GNA14: variants seen among roughly 807,000 people sequenced by gnomAD.
GNA14 encodes G protein subunit alpha 14.
In GNA14, 50 loss-of-function variants were observed where a neutral mutation model predicts 42.0. The ratio of observed to expected loss-of-function variants is 1.19; its 90% confidence interval spans 0.95 to 1.51. GNA14 has a LOEUF of 1.51. Among genes scored for constraint, GNA14 ranks in the 40% most tolerant of loss-of-function variants. The probability of loss-of-function intolerance (pLI) is 0.00; values close to 1 mark genes in which losing one functional copy is unlikely to be tolerated. For synonymous variants in GNA14, 173 were observed against 163.1 expected (o/e 1.06, Z -0.46); for missense variants, 473 against 446.2 (o/e 1.06, Z -0.54).
chr9:77,458,491 G>A (rs1388258131), intron 2 of GNA14, among the ~76,000 whole-genome samples: 1 of 152,112 alleles, frequency 6.6e-6, no homozygotes, highest in Non-Finnish European at 1.5e-5. Flanking sequence ...CGAAAGTTCC[G>A]GATTTAGTTA....
chr9:77,546,769 C>A (rs1344295473), intron 1 of GNA14, among the ~76,000 whole-genome samples: 1 of 152,176 alleles, frequency 6.6e-6, no homozygotes, highest in Non-Finnish European at 1.5e-5. Context: ...GACGAGTAAT[C>A]ACCTCCAGCC....
intron 2 of GNA14, among the ~76,000 whole-genome samples, chr9:77,500,833 T>C (rs1411022148): frequency 2.0e-5 from 3 of 152,258 alleles, no homozygotes; most frequent in African/African-American, 7.2e-5. Flanking sequence ...ACTCAAGGTG[T>C]TCCCAGTTTT....
chr9:77,557,711 A>G (rs1822811385), intron 1 of GNA14, among the ~76,000 whole-genome samples: 1 of 152,226 alleles, frequency 6.6e-6, no homozygotes. Context: ...TGATTACTTC[A>G]TGGGAGCAAA....
At chr9:77,554,998 T>G (rs1822749290) in intron 1 of GNA14, among the ~76,000 whole-genome samples, 1 of 152,096 alleles carries the variant, frequency 6.6e-6, no homozygotes, top group South Asian at 2.1e-4. Flanking sequence ...GAACAATAAG[T>G]TAGTGCAGAT....
chr9:77,607,509 C>T (rs981121298), intron 1 of GNA14, among the ~76,000 whole-genome samples: 10 of 152,170 alleles, frequency 6.6e-5, no homozygotes, highest in Admixed American at 5.9e-4. Context: ...TAACCTTCAT[C>T]TGCATCTCAC....
intron 1 of GNA14, among the ~76,000 whole-genome samples, chr9:77,539,068 G>A (rs774333410): frequency 2.0e-5 from 3 of 152,116 alleles, no homozygotes; most frequent in Non-Finnish European, 2.9e-5. Context: ...GGTGAAAGTG[G>A]GCATCCTTGT....
At chr9:77,426,949 T>G (rs1303461671) in intron 5 of GNA14, among the ~76,000 whole-genome samples, 1 of 152,168 alleles carries the variant, frequency 6.6e-6, no homozygotes, top group Non-Finnish European at 1.5e-5. Context: ...ACACCCAGGT[T>G]TGTTCTGCCA....
At chr9:77,434,250 G>A (rs1835605514) in intron 3 of GNA14, 118 bp downstream of exon 3, 10 of 910,302 alleles carry the variant, frequency 1.1e-5, no homozygotes, top group Non-Finnish European at 1.7e-5. Flanking sequence ...GAAAGCAAAG[G>A]CAAGTAGCGC....
chr9:77,588,543 C>T (rs148894974), intron 1 of GNA14, among the ~76,000 whole-genome samples: 254 of 151,990 alleles, frequency 1.7e-3, no homozygotes, highest in African/African-American at 5.7e-3. Context: ...GAATGAGTCA[C>T]GGGGTGAGAA....
At chr9:77,564,826 C>T (rs1023529989) in intron 1 of GNA14, among the ~76,000 whole-genome samples, 2 of 110,206 alleles carry the variant, frequency 1.8e-5, no homozygotes, top group Non-Finnish European at 3.8e-5. Context: ...AAGCAAGAAT[C>T]TGTCTATTAA....
chr9:77,536,606 C>T (rs1175468113), intron 1 of GNA14, among the ~76,000 whole-genome samples: 4 of 152,216 alleles, frequency 2.6e-5, no homozygotes, highest in Admixed American at 2.6e-4. Context: ...CCACCTTGAC[C>T]TCCCAAAGTG....
chr9:77,626,623 T>G (rs1342051387), intron 1 of GNA14, among the ~76,000 whole-genome samples: 4 of 152,154 alleles, frequency 2.6e-5, no homozygotes, highest in African/African-American at 9.7e-5. Context: ...CTGAACAACC[T>G]GCTCCTGAAT....
At chr9:77,442,513 G>C (rs563563561) in intron 2 of GNA14, among the ~76,000 whole-genome samples, 9 of 152,374 alleles carry the variant, frequency 5.9e-5, no homozygotes, top group African/African-American at 2.2e-4. Flanking sequence ...GGAAGGGACA[G>C]TTGATGGTTA....
chr9:77,445,686 G>A (rs906410467), intron 2 of GNA14, among the ~76,000 whole-genome samples: 3 of 152,044 alleles, frequency 2.0e-5, no homozygotes, highest in African/African-American at 7.2e-5. Context: ...AGGCTGGAGT[G>A]AGCTATGATC....
chr9:77,579,484 A>G (rs980994727), intron 1 of GNA14, among the ~76,000 whole-genome samples: 3 of 151,792 alleles, frequency 2.0e-5, no homozygotes, highest in Non-Finnish European at 4.4e-5. Context: ...CATTCTTTTA[A>G]TTTCCCCAAA....
intron 1 of GNA14, among the ~76,000 whole-genome samples, chr9:77,586,196 C>G (rs750349529): frequency 2.0e-5 from 3 of 152,088 alleles, no homozygotes; most frequent in African/African-American, 4.8e-5. Flanking sequence ...AACAAATTAC[C>G]ACAAACTCAG....
chr9:77,435,301 G>A (rs911560753), intron 2 of GNA14, among the ~76,000 whole-genome samples: 1 of 152,016 alleles, frequency 6.6e-6, no homozygotes, highest in African/African-American at 2.4e-5. Context: ...AGGTTGCAGT[G>A]AGCCGAGATG....
At chr9:77,515,298 C>T (rs752974927) in intron 2 of GNA14, among the ~76,000 whole-genome samples, 6 of 152,080 alleles carry the variant, frequency 3.9e-5, no homozygotes, top group African/African-American at 1.2e-4. Context: ...ACAAGAAAGA[C>T]GTGGGCAGGC....
chr9:77,614,639 G>C (rs556750586), intron 1 of GNA14, among the ~76,000 whole-genome samples: 1 of 152,194 alleles, frequency 6.6e-6, no homozygotes, highest in East Asian at 1.9e-4. Flanking sequence ...TCCACACAGA[G>C]AGAAAATGCT....
Sources: gnomAD v4.1 joint callset for allele counts (sites outside exome capture counted in the v4.1 genomes callset) on GRCh38, gnomAD v4.1.1 for gene constraint, MANE v1.5 for transcripts, NCBI Gene and HGNC (gene_info 2026-07-23, HGNC 2026-07-21) for gene names.